The following AUTS2 variants were observed in gnomAD, a reference collection of about 807,000 sequenced individuals.
AUTS2 encodes autism susceptibility gene 2 protein.
Under a neutral mutation model 112.4 loss-of-function variants are expected in AUTS2, and 17 were observed. That is an observed-to-expected ratio of 0.15 (90% confidence interval 0.10 to 0.23). The LOEUF (loss-of-function observed/expected upper bound fraction) is 0.23, where lower values mean the gene tolerates loss of function less well. AUTS2 is among the 10% of genes least tolerant of loss of function. AUTS2 has a pLI of 1.00. For missense variants in AUTS2, 1,510 were observed against 1,701.6 expected, an observed-to-expected ratio of 0.89 and a Z score of 1.98; for synonymous variants, 751 against 702.7, an observed-to-expected ratio of 1.07 and a Z score of -1.09.
intron 5 of AUTS2, among the ~76,000 whole-genome samples, chr7:70,554,249 A>G (rs1801149823): frequency 1.3e-5 from 2 of 150,084 alleles, no homozygotes. Flanking sequence ...TTGTATTTTT[A>G]GTACAGATGG....
chr7:70,175,634 C>A (rs185196341), intron 4 of AUTS2, among the ~76,000 whole-genome samples: 1 of 152,244 alleles, frequency 6.6e-6, no homozygotes, highest in East Asian at 1.9e-4. Flanking sequence ...GATCAGTCAG[C>A]AACCATCAAC....
intron 1 of AUTS2, among the ~76,000 whole-genome samples, chr7:69,817,585 G>C (rs1429846567): frequency 6.6e-6 from 1 of 152,208 alleles, no homozygotes; most frequent in Non-Finnish European, 1.5e-5. Context: ...TATGTGAGTG[G>C]CTTCCAGTGG....
chr7:69,995,746 C>G (rs138430526), intron 2 of AUTS2, among the ~76,000 whole-genome samples: 121 of 152,258 alleles, frequency 7.9e-4, no homozygotes, highest in African/African-American at 2.9e-3. Context: ...TCCTTCTCAA[C>G]CCATAGAATT....
At chr7:70,752,574 A>G (rs1159589948) in intron 6 of AUTS2, among the ~76,000 whole-genome samples, 2 of 152,212 alleles carry the variant, frequency 1.3e-5, no homozygotes, top group Non-Finnish European at 2.9e-5. Context: ...AAAGATCAGG[A>G]CCACAGGTTC....
intron 1 of AUTS2, among the ~76,000 whole-genome samples, chr7:69,668,424 T>C (rs1482862527): frequency 6.6e-6 from 1 of 152,214 alleles, no homozygotes; most frequent in African/African-American, 2.4e-5. Context: ...TGCCACACCC[T>C]CTATCAAAAC....
At chr7:69,673,213 G>T (rs1189177598) in intron 1 of AUTS2, among the ~76,000 whole-genome samples, 1 of 152,158 alleles carries the variant, frequency 6.6e-6, no homozygotes. Context: ...CTTTAGTGGG[G>T]CACAGAAGGA....
At chr7:70,109,060 G>A (rs765889887) in intron 2 of AUTS2, among the ~76,000 whole-genome samples, 12 of 151,942 alleles carry the variant, frequency 7.9e-5, no homozygotes, top group African/African-American at 2.2e-4. Context: ...TAGTTTTTTC[G>A]TGTTAGAATG....
intron 5 of AUTS2, among the ~76,000 whole-genome samples, chr7:70,452,352 G>A (rs1796569288): frequency 6.6e-6 from 1 of 152,142 alleles, no homozygotes; most frequent in Non-Finnish European, 1.5e-5. Flanking sequence ...CCAGCTAATT[G>A]GGAGGCTGAG....
intron 1 of AUTS2, among the ~76,000 whole-genome samples, chr7:69,814,047 C>T (rs1790654420): frequency 6.6e-6 from 1 of 152,194 alleles, no homozygotes; most frequent in East Asian, 1.9e-4. Flanking sequence ...TTTCAGTTTA[C>T]ATCCTCAGAG....
At chr7:69,987,003 G>T (rs565538683) in intron 2 of AUTS2, among the ~76,000 whole-genome samples, 1 of 152,296 alleles carries the variant, frequency 6.6e-6, no homozygotes, top group Admixed American at 6.5e-5. Flanking sequence ...TTGCAGAGCT[G>T]GAATTTGGAC....
chr7:70,314,376 G>A (rs965823151), intron 4 of AUTS2, among the ~76,000 whole-genome samples: 7 of 152,354 alleles, frequency 4.6e-5, no homozygotes, highest in South Asian at 2.1e-4. Flanking sequence ...GAATTATAAT[G>A]CAGCCCTGTT....
intron 6 of AUTS2, among the ~76,000 whole-genome samples, chr7:70,751,894 T>G (rs1431327190): frequency 2.2e-5 from 3 of 134,356 alleles, no homozygotes; most frequent in East Asian, 2.2e-4. Context: ...TAATTTTTGT[T>G]TTTTTTTTTT....
intron 2 of AUTS2, among the ~76,000 whole-genome samples, chr7:69,999,348 T>C (rs2129552496): frequency 6.6e-6 from 1 of 152,310 alleles, no homozygotes; most frequent in African/African-American, 2.4e-5. Context: ...GGAAACATGC[T>C]TCATCTGGTC....
chr7:70,697,775 T>G (rs990589351), intron 5 of AUTS2, among the ~76,000 whole-genome samples: 18 of 152,200 alleles, frequency 1.2e-4, no homozygotes, highest in Non-Finnish European at 5.9e-5. Context: ...TTAATTTTTA[T>G]TTTTTCAAGT....
chr7:69,755,131 C>CAG (rs1416137749), intron 1 of AUTS2, among the ~76,000 whole-genome samples: 2 of 152,108 alleles, frequency 1.3e-5, no homozygotes, highest in East Asian at 3.8e-4. Context: ...GGCGGACAGG[C>CAG]AGAGGTGAGT....
At chr7:70,735,018 A>AG (rs1491491648) in intron 6 of AUTS2, among the ~76,000 whole-genome samples, 1 of 152,098 alleles carries the variant, frequency 6.6e-6, no homozygotes, top group African/African-American at 2.4e-5. Context: ...AAAAAAAAAA[A>AG]GAAGTCTAGC....
At chr7:69,858,519 A>G (rs751969606) in intron 1 of AUTS2, among the ~76,000 whole-genome samples, 8 of 151,994 alleles carry the variant, frequency 5.3e-5, no homozygotes, top group African/African-American at 9.7e-5. Flanking sequence ...TTTCTGTGAA[A>G]CTCCAAGGTG....
At chr7:70,424,573 G>T (rs1439501446) in intron 4 of AUTS2, among the ~76,000 whole-genome samples, 1 of 151,812 alleles carries the variant, frequency 6.6e-6, no homozygotes, top group Non-Finnish European at 1.5e-5. Context: ...GGTGTTTTTT[G>T]TTTGTTTGTT....
rs189447572 is a variant in AUTS2 at position 70,138,244 on chromosome 7, T to A, written c.660+3673T>A. 1.3e-3 allele frequency among the ~76,000 whole-genome samples: 191 copies of A among 152,332 alleles called. 2 individuals are homozygous for A. The highest frequency in any genetic ancestry group is 0.01 in the Admixed American group (154 of 15,290). ...CCTTTCTGACAAGAAAAAGAAAAAT[T>A]GATGCCCTAGCATATATGAACACAG... On this transcript the variant is annotated intron_variant, in intron 4 of 18. Coordinates refer to ENST00000342771, the MANE Select transcript of AUTS2 (RefSeq NM_015570.4).
Sources: gnomAD v4.1 joint callset for allele counts (sites outside exome capture counted in the v4.1 genomes callset) on GRCh38, gnomAD v4.1.1 for gene constraint, MANE v1.5 for transcripts, NCBI Gene and HGNC (gene_info 2026-07-23, HGNC 2026-07-21) for gene names.